SUGCT: variants seen among roughly 807,000 people sequenced by gnomAD.
The protein encoded by SUGCT is succinyl-CoA:glutarate-CoA transferase, also known as succinyl-CoA:glutarate CoA-transferase.
SUGCT carries 41 observed loss-of-function variants against 55.0 expected under a neutral mutation model. The observed-to-expected ratio is 0.74, with a 90% confidence interval of 0.58 to 0.97. The LOEUF (loss-of-function observed/expected upper bound fraction) is 0.97, where lower values mean the gene tolerates loss of function less well. Ranked by LOEUF, SUGCT falls within the 50% of genes least tolerant of loss-of-function variation. The pLI, the probability that SUGCT is intolerant of heterozygous loss-of-function variation, is 0.00. For synonymous variants in SUGCT, 187 were observed against 200.4 expected, an observed-to-expected ratio of 0.93 and a Z score of 0.56; for missense variants, 568 against 547.8, an observed-to-expected ratio of 1.04 and a Z score of -0.37.
In SUGCT at chr7:40,817,203, C is replaced by A. The variant is rs147929622; in HGVS notation, c.1154-43113C>A. On this transcript the variant is annotated intron_variant, in intron 13 of 13. Coordinates refer to ENST00000335693, the MANE Select transcript of SUGCT (RefSeq NM_001193313.2). ...GTAGTAAGTACCTATAGTTGGCCAG[C>A]ATTGTGTTAGATTTTAAAACTGGTC... 1.7e-3 allele frequency among the ~76,000 whole-genome samples: 260 copies of A among 152,260 alleles called. 2 individuals are homozygous for A. Among genetic ancestry groups the A allele is most frequent in the African/African-American group, 6.1e-3 (253 of 41,554 alleles).
chr7:40,854,610 T>C (rs976247365), intron 13 of SUGCT, among the ~76,000 whole-genome samples: 7 of 152,030 alleles, frequency 4.6e-5, no homozygotes, highest in African/African-American at 1.7e-4. Context: ...TGATTAATCA[T>C]TTAACTGGCC....
At chr7:40,173,243 A>G (rs1370876835) in intron 1 of SUGCT, among the ~76,000 whole-genome samples, 1 of 152,218 alleles carries the variant, frequency 6.6e-6, no homozygotes, top group Non-Finnish European at 1.5e-5. Flanking sequence ...GCACTTAGCT[A>G]TGCAGGAACA....
At chr7:40,929,218 C>T in the SUGCT span, among the ~76,000 whole-genome samples, 3 of 152,080 alleles carry the variant, frequency 2.0e-5, no homozygotes, top group Non-Finnish European at 4.4e-5. Context: ...ATGATGGTTT[C>T]CAGCTTCATC....
chr7:40,348,929 A>T (rs1797468073), intron 9 of SUGCT, among the ~76,000 whole-genome samples: 1 of 152,012 alleles, frequency 6.6e-6, no homozygotes, highest in South Asian at 2.1e-4. Flanking sequence ...TTGAGTGGAT[A>T]AGCAGACACT....
the SUGCT span, among the ~76,000 whole-genome samples, chr7:40,874,615 C>A: frequency 1.3e-5 from 2 of 152,074 alleles, no homozygotes; most frequent in African/African-American, 4.8e-5. Flanking sequence ...GATATGAGCA[C>A]GTAAGAATTT....
At chr7:40,431,434 T>C (rs933643980) in intron 9 of SUGCT, among the ~76,000 whole-genome samples, 2 of 152,184 alleles carry the variant, frequency 1.3e-5, no homozygotes, top group Non-Finnish European at 2.9e-5. Flanking sequence ...CTTTTATGGT[T>C]CCATATGAAT....
intron 12 of SUGCT, among the ~76,000 whole-genome samples, chr7:40,605,992 A>G (rs983848287): frequency 3.9e-5 from 6 of 152,270 alleles, no homozygotes; most frequent in Middle Eastern, 3.4e-3. Flanking sequence ...AGCAGATTGC[A>G]TCGTATTCAG....
rs1014096424 is a variant in SUGCT at position 40,139,909 on chromosome 7, CT to C, written c.100+4799del. ...CCATCTTGAATTTATTTTTTTCTTT[CT>C]TTTTTTTTTAAGATGGAGTTTCGCT... On this transcript the variant is annotated intron_variant, in intron 1 of 13. Coordinates refer to ENST00000335693, the MANE Select transcript of SUGCT (RefSeq NM_001193313.2). Among the ~76,000 whole-genome samples the C allele has an allele frequency of 1.8e-4, 27 of 148,256 alleles. No homozygotes were observed. The East Asian group carries it at 2.6e-3, about 14-fold the overall frequency.
chr7:40,433,017 T>G (rs1054957064), intron 9 of SUGCT, among the ~76,000 whole-genome samples: 3 of 152,092 alleles, frequency 2.0e-5, no homozygotes, highest in African/African-American at 7.2e-5. Context: ...TTTGCTTCCT[T>G]GATGTGATAA....
chr7:40,310,734 G>A (rs1795098498), intron 8 of SUGCT, among the ~76,000 whole-genome samples: 1 of 152,066 alleles, frequency 6.6e-6, no homozygotes, highest in Non-Finnish European at 1.5e-5. Flanking sequence ...TCATTTAAGT[G>A]CCTATTTATC....
At chr7:40,480,005 AGAGACTTTTTAGTTT>A (rs1378738739) in intron 11 of SUGCT, among the ~76,000 whole-genome samples, 1 of 152,152 alleles carries the variant, frequency 6.6e-6, no homozygotes, top group Non-Finnish European at 1.5e-5. Flanking sequence ...TTTGCTGTAC[AGAGACTTTTTAGTTT>A]GATATAATCT....
chr7:40,471,674 A>G (rs1270703051), intron 11 of SUGCT, among the ~76,000 whole-genome samples: 1 of 152,110 alleles, frequency 6.6e-6, no homozygotes, highest in Non-Finnish European at 1.5e-5. Context: ...GAATTTAACA[A>G]ATTCTAAAGT....
chr7:40,399,713 A>G (rs1785957243), intron 9 of SUGCT, among the ~76,000 whole-genome samples: 1 of 152,202 alleles, frequency 6.6e-6, no homozygotes, highest in African/African-American at 2.4e-5. Flanking sequence ...TTGCTTTCCA[A>G]TCTGTATGTC....
intron 9 of SUGCT, among the ~76,000 whole-genome samples, chr7:40,443,453 T>A (rs1458741946): frequency 6.6e-6 from 1 of 152,238 alleles, no homozygotes; most frequent in East Asian, 1.9e-4. Flanking sequence ...TGATTTTGAT[T>A]TGCATTTCTC....
the SUGCT span, among the ~76,000 whole-genome samples, chr7:40,928,914 CT>C: frequency 6.6e-6 from 1 of 151,932 alleles, no homozygotes; most frequent in African/African-American, 2.4e-5. Context: ...CTACTTTTTC[CT>C]TTTTCTTTTT....
intron 13 of SUGCT, among the ~76,000 whole-genome samples, chr7:40,822,147 G>C (rs1792051883): frequency 6.6e-6 from 1 of 152,118 alleles, no homozygotes; most frequent in Admixed American, 6.6e-5. Flanking sequence ...TATAATTTCT[G>C]TTCTTTTACA....
intron 5 of SUGCT, among the ~76,000 whole-genome samples, chr7:40,190,729 T>C (rs143295252): frequency 1.0e-3 from 154 of 152,300 alleles, no homozygotes; most frequent in African/African-American, 3.6e-3. Flanking sequence ...AAGGTTTAAG[T>C]TGAATCTAAT....
intron 12 of SUGCT, among the ~76,000 whole-genome samples, chr7:40,742,660 A>G (rs1229013398): frequency 1.3e-5 from 2 of 150,852 alleles, no homozygotes; most frequent in Non-Finnish European, 3.0e-5. Flanking sequence ...CCCCCATACC[A>G]TGGACCATGG....
chr7:40,238,652 TATTA>T (rs71949061), intron 7 of SUGCT, among the ~76,000 whole-genome samples: 67,020 of 151,264 alleles, frequency 0.44, 15,217 homozygotes, highest in African/African-American at 0.56. Flanking sequence ...TAATTTTACT[TATTA>T]ATTAATTAAT....
Sources: allele counts gnomAD v4.1 joint callset (sites outside exome capture counted in the v4.1 genomes callset), GRCh38; gene constraint gnomAD v4.1.1; transcripts MANE v1.5; gene names NCBI Gene and HGNC (gene_info 2026-07-23, HGNC 2026-07-21).